The following IARS1 variants were observed in gnomAD, a reference collection of about 807,000 sequenced individuals.
IARS1 encodes isoleucyl-tRNA synthetase 1.
A neutral mutation model predicts 168.2 loss-of-function variants in IARS1; 124 were observed. The observed-to-expected ratio is 0.74, with a 90% confidence interval of 0.64 to 0.86. IARS1 has a LOEUF of 0.86. Ranked by LOEUF, IARS1 falls within the 40% of genes least tolerant of loss-of-function variation. IARS1 has a pLI of 0.00. For missense variants in IARS1, 1,452 were observed against 1,515.8 expected, an observed-to-expected ratio of 0.96 and a Z score of 0.70; for synonymous variants, 532 against 529.4, an observed-to-expected ratio of 1.00 and a Z score of -0.07.
At chr9:92,228,482 C>G (rs1210490086) in intron 31 of IARS1, among the ~76,000 whole-genome samples, 3 of 152,160 alleles carry the variant, frequency 2.0e-5, no homozygotes, top group African/African-American at 7.2e-5. Flanking sequence ...GAGGCCAAGG[C>G]AGGGGGACTG....
At position 92,243,276 on chromosome 9, in the gene IARS1, T is replaced by C. The variant is rs1354972231; in HGVS notation, c.2940A>G (p.Ser980=). The C allele has an allele frequency of 2.5e-6, 4 of 1,613,564 alleles. No individual in the cohort carries two copies. The highest frequency in any genetic ancestry group is 3.4e-6 in the Non-Finnish European group (4 of 1,179,636). The change falls in exon 28 of 34, where the codon TCA becomes TCG. Residue 980 remains serine (S), a synonymous_variant. Coordinates refer to ENST00000443024, the MANE Select transcript of IARS1 (RefSeq NM_002161.6). ...CCCGAGCCATTCCTTCATCTACCAT[T>C]GACTGGTCAGGAGTGACATCTAAGA... ...LVLLDVTPDQ[S]MVDEGMAREV...
chr9:92,234,001 T>A (rs548211477), intron 30 of IARS1, among the ~76,000 whole-genome samples: 1 of 152,332 alleles, frequency 6.6e-6, no homozygotes, highest in South Asian at 2.1e-4. Context: ...GCTAAAGTAA[T>A]CCTCCTGCCT....
chr9:92,226,697 C>T (rs561992389), intron 31 of IARS1, among the ~76,000 whole-genome samples: 41 of 152,272 alleles, frequency 2.7e-4, no homozygotes, highest in African/African-American at 8.7e-4. Flanking sequence ...TGGAGGCTCC[C>T]GGCAATCTTG....
Position 92,289,286 on chromosome 9 carries a change from A to G in IARS1, c.119+15T>C, listed in dbSNP as rs77772109. ...GACTATTCTTAAGGGAACTTAACCTAAAAAATTCACATACTTTGGTTTATG... is the reference window on the plus strand; with the variant it reads ...GACTATTCTTAAGGGAACTTAACCTGAAAAATTCACATACTTTGGTTTATG... On this transcript the variant is annotated intron_variant, in intron 2 of 33. Coordinates refer to ENST00000443024, the MANE Select transcript of IARS1 (RefSeq NM_002161.6). The G allele has an allele frequency of 7.2e-3, 7,850 of 1,091,766 alleles. 460 individuals are homozygous for G. The East Asian group carries it at 0.13, about 18-fold the overall frequency. The allele number at this position is 1,091,766 out of a possible 1,614,324, so 67.6% of individuals were successfully genotyped here. A position where few individuals can be genotyped will look rare whatever the true frequency, so the allele number is the denominator to read the frequency against.
In IARS1 at chr9:92,271,639, C is replaced by G. The variant is rs779862520; in HGVS notation, c.1007G>C (p.Cys336Ser). The change falls in exon 11 of 34, where the codon TGT becomes TCT. Residue 336 changes from cysteine to serine, a missense_variant. Coordinates refer to ENST00000443024, the MANE Select transcript of IARS1 (RefSeq NM_002161.6). Reference protein sequence around the residue: ...PYFGAEDYRVCMDFNIIRKDS... With the variant: ...PYFGAEDYRVSMDFNIIRKDS... ...TTTCCGAATAATGTTAAAGTCCATA[C>G]AGACCCGATAGTCCTCCTGAGAAAA... 2 of 1,614,060 alleles carry G rather than the reference C, an allele frequency of 1.2e-6. No individual in the cohort carries two copies. Among genetic ancestry groups the G allele is most frequent in the East Asian group, 4.5e-5 (2 of 44,886 alleles).
Position 92,269,997 on chromosome 9 carries a change from A to G in IARS1, c.1206-14T>C. 6.4e-7 allele frequency: 1 copy of G among 1,561,504 alleles called. No homozygotes were observed. The highest frequency in any genetic ancestry group is 1.1e-5 in the South Asian group (1 of 90,046). On this transcript the variant is annotated splice_polypyrimidine_tract_variant and intron_variant, in intron 12 of 33. Transcript: ENST00000443024. ...GGAGTGTCTGATCTGGGGAAGCAGA[A>G]ACACACACATAGCTGCTCAGGCTGA...
At chr9:92,228,088 C>T (rs1486901321) in intron 31 of IARS1, among the ~76,000 whole-genome samples, 1 of 152,202 alleles carries the variant, frequency 6.6e-6, no homozygotes, top group African/African-American at 2.4e-5. Context: ...AATCCCGGCA[C>T]CTCAGGAGGC....
At chr9:92,254,329 A>G (rs1830427597) in intron 20 of IARS1, among the ~76,000 whole-genome samples, 1 of 152,212 alleles carries the variant, frequency 6.6e-6, no homozygotes, top group Non-Finnish European at 1.5e-5. Flanking sequence ...CATTTAATTA[A>G]TACTCTTTGT....
At chr9:92,211,764 A>G (rs1378542024) in intron 33 of IARS1, among the ~76,000 whole-genome samples, 1 of 152,190 alleles carries the variant, frequency 6.6e-6, no homozygotes, top group Admixed American at 6.5e-5. Flanking sequence ...GATTCTCTAT[A>G]ATTTGAAGAA....
intron 7 of IARS1, among the ~76,000 whole-genome samples, chr9:92,280,351 G>C (rs1834359826): frequency 6.6e-6 from 1 of 152,082 alleles, no homozygotes; most frequent in South Asian, 2.1e-4. Context: ...TCTCGGAAAG[G>C]CCCTCGTTGA....
chr9:92,229,209 A>C, intron 30 of IARS1, 83 bp from the exon 31 acceptor site: 2 of 1,437,028 alleles, frequency 1.4e-6, no homozygotes. Flanking sequence ...AGGGATACAA[A>C]GGGGTTCAAG....
chr9:92,293,134 G>T (rs999402387), intron 1 of IARS1, among the ~76,000 whole-genome samples: 1 of 152,098 alleles, frequency 6.6e-6, no homozygotes, highest in Non-Finnish European at 1.5e-5. Context: ...CGTCTCAAAC[G>T]TTTCCTCAAT....
chr9:92,264,077 G>A (rs1831924025), intron 16 of IARS1, among the ~76,000 whole-genome samples: 1 of 152,156 alleles, frequency 6.6e-6, no homozygotes, highest in Non-Finnish European at 1.5e-5. Flanking sequence ...GCTCACGCCT[G>A]TAATCCCAGC....
rs781006959 is a variant in IARS1 at position 92,286,594 on chromosome 9, A to G, written c.421T>C (p.Trp141Arg). Residue 141 changes from tryptophan to arginine, a missense_variant, in exon 5 of 34, where the codon TGG becomes CGG. By Grantham distance (101) the Trp-to-Arg change is moderately radical. Transcript: ENST00000443024. ...TTATAGTCATTGTCAAAGTCAATCC[A>G]TCGGCCAAGTCTGCTAACAGTAGAC... ...WKSTVSRLGRWIDFDNDYKTL... is the reference protein window; with the variant it reads ...WKSTVSRLGRRIDFDNDYKTL... 6.3e-7 allele frequency: 1 copy of G among 1,592,334 alleles called. No homozygotes were observed. Among genetic ancestry groups the G allele is most frequent in the African/African-American group, 1.3e-5 (1 of 74,528 alleles).
At chr9:92,214,904 T>G (rs190212765) in intron 33 of IARS1, among the ~76,000 whole-genome samples, 4,653 of 152,298 alleles carry the variant, frequency 0.031, 111 homozygotes, top group South Asian at 0.08. Flanking sequence ...GAAGCTCGAA[T>G]TGGGTGGAGC....
intron 16 of IARS1, among the ~76,000 whole-genome samples, chr9:92,263,684 C>T (rs1202644854): frequency 1.3e-5 from 2 of 152,158 alleles, no homozygotes; most frequent in Non-Finnish European, 2.9e-5. Flanking sequence ...GATATCCCTC[C>T]CACTTCTAAA....
At chr9:92,262,068 TAA>T (rs35738102) in intron 17 of IARS1, among the ~76,000 whole-genome samples, 11 of 142,368 alleles carry the variant, frequency 7.7e-5, no homozygotes, top group Admixed American at 1.4e-4. Context: ...AATTTTCAAT[TAA>T]AAAAAAAAAA....
chr9:92,220,475 C>T (rs1443119102), intron 33 of IARS1, among the ~76,000 whole-genome samples: 42 of 151,914 alleles, frequency 2.8e-4, no homozygotes, highest in Admixed American at 2.8e-3. Flanking sequence ...AAATTATCTG[C>T]ACATGGTGGC....
intron 26 of IARS1, among the ~76,000 whole-genome samples, chr9:92,246,891 G>A (rs902021265): frequency 6.6e-6 from 1 of 152,144 alleles, no homozygotes; most frequent in Non-Finnish European, 1.5e-5. Context: ...AGGAAAAAAA[G>A]TTTTACTTAA....
Sources: gnomAD v4.1 joint callset for allele counts (sites outside exome capture counted in the v4.1 genomes callset) on GRCh38, gnomAD v4.1.1 for gene constraint, MANE v1.5 for transcripts, NCBI Gene and HGNC (gene_info 2026-07-23, HGNC 2026-07-21) for gene names.